KYNU: variants seen among roughly 807,000 people sequenced by gnomAD.
KYNU encodes the protein L-kynurenine hydrolase.
A neutral mutation model predicts 59.2 loss-of-function variants in KYNU; 54 were observed. The observed-to-expected ratio is 0.91, with a 90% confidence interval of 0.73 to 1.14. The LOEUF (loss-of-function observed/expected upper bound fraction) is 1.14. KYNU is among the 50% of genes most tolerant of loss of function. The pLI is 0.00. For missense variants in KYNU, 567 were observed against 554.4 expected (o/e 1.02, Z -0.23); for synonymous variants, 177 against 192.0 (o/e 0.92, Z 0.65).
At chr2:143,014,941 C>T (rs761477397) in intron 10 of KYNU, among the ~76,000 whole-genome samples, 7 of 152,072 alleles carry the variant, frequency 4.6e-5, no homozygotes, top group African/African-American at 9.7e-5. Flanking sequence ...TCACCCAGGC[C>T]GGAGTGCAGT....
intron 2 of KYNU, among the ~76,000 whole-genome samples, chr2:142,914,708 G>A (rs1181552315): frequency 6.6e-6 from 1 of 152,122 alleles, no homozygotes; most frequent in Admixed American, 6.5e-5. Context: ...TCTCTTTGAT[G>A]TTATTATTGT....
intron 10 of KYNU, among the ~76,000 whole-genome samples, chr2:143,025,983 T>A (rs556210176): frequency 3.3e-5 from 5 of 152,318 alleles, no homozygotes; most frequent in African/African-American, 1.2e-4. Context: ...GCAAAATGCA[T>A]AAAATATTTT....
intron 10 of KYNU, among the ~76,000 whole-genome samples, chr2:142,996,333 AAGTT>A (rs1347332081): frequency 2.6e-5 from 4 of 152,130 alleles, no homozygotes; most frequent in South Asian, 2.1e-4. Flanking sequence ...TCATAAGAAA[AAGTT>A]AGTATGTTTA....
intron 4 of KYNU, among the ~76,000 whole-genome samples, chr2:142,936,771 AG>A (rs1450175056): frequency 6.6e-6 from 1 of 152,158 alleles, no homozygotes; most frequent in Admixed American, 6.5e-5. Flanking sequence ...GTGCATGCAG[AG>A]GGGTGACTGG....
chr2:142,894,363 C>T (rs555648786), intron 2 of KYNU, among the ~76,000 whole-genome samples: 22 of 152,090 alleles, frequency 1.4e-4, no homozygotes, highest in Non-Finnish European at 2.8e-4. Flanking sequence ...CTCAGTGCAC[C>T]ACCAGGAAAT....
In KYNU at chr2:142,956,107, A is replaced by T. The variant is rs146758253; in HGVS notation, c.436-96A>T. On this transcript the variant is annotated intron_variant, in intron 5 of 13. Transcript: ENST00000264170. ...AGATGTTGAGTTAATTAATGTCTTTAAAATACTGGAGATTATAAAATGATA... is the reference window on the plus strand; with the variant it reads ...AGATGTTGAGTTAATTAATGTCTTTTAAATACTGGAGATTATAAAATGATA... 12 of 710,594 alleles carry T rather than the reference A, an allele frequency of 1.7e-5. No homozygotes were observed. In the East Asian group the frequency reaches 3.2e-4, roughly 19 times the overall value. The allele number at this position is 710,594 out of a possible 1,614,324, so 44.0% of individuals were successfully genotyped here.
intron 4 of KYNU, among the ~76,000 whole-genome samples, chr2:142,940,226 A>T (rs1392051573): frequency 6.6e-6 from 1 of 152,256 alleles, no homozygotes; most frequent in African/African-American, 2.4e-5. Context: ...ATTTAATTTG[A>T]CCGGAGAATA....
At chr2:142,960,568 G>A (rs1684307879) in intron 7 of KYNU, 56 bp from the exon 8 acceptor site, 2 of 1,515,420 alleles carry the variant, frequency 1.3e-6, no homozygotes, top group South Asian at 2.3e-5. Flanking sequence ...TCGGCAATAT[G>A]AAATTACAAA....
At chr2:143,018,580 A>G (rs901699848) in intron 10 of KYNU, among the ~76,000 whole-genome samples, 10 of 151,240 alleles carry the variant, frequency 6.6e-5, no homozygotes, top group African/African-American at 2.5e-4. Flanking sequence ...TGATGCCACC[A>G]GCTTTGTTAT....
chr2:142,969,437 G>A (rs560998021), intron 8 of KYNU, among the ~76,000 whole-genome samples: 125 of 152,302 alleles, frequency 8.2e-4, no homozygotes, highest in African/African-American at 2.9e-3. Flanking sequence ...TGTTCAGACA[G>A]ATAGTGAACA....
At chr2:142,898,004 C>T (rs376066717) in intron 2 of KYNU, among the ~76,000 whole-genome samples, 2 of 152,068 alleles carry the variant, frequency 1.3e-5, no homozygotes, top group South Asian at 2.1e-4. Flanking sequence ...TGGACTCAAT[C>T]GATCCTCCCA....
At chr2:142,976,052 A>G (rs1684871384) in intron 8 of KYNU, among the ~76,000 whole-genome samples, 1 of 152,188 alleles carries the variant, frequency 6.6e-6, no homozygotes, top group African/African-American at 2.4e-5. Context: ...TCATAGGTGA[A>G]GAAAGGCAGA....
rs148740838 is a variant in KYNU, at chr2:143,029,707, A to G, written c.955+28A>G. On this transcript the variant is annotated intron_variant, in intron 11 of 13. Coordinates refer to ENST00000264170, the MANE Select transcript of KYNU (RefSeq NM_003937.3). ...AAGTGTATTTATTTTACCTAATGCC[A>G]TTTTTATTTTAACTTTATTTCAATG... 4,096 of 1,239,918 alleles carry G rather than the reference A, an allele frequency of 3.3e-3. 85 individuals carry two copies. The African/African-American group carries it at 0.049, about 15-fold the overall frequency. The allele number at this position is 1,239,918 out of a possible 1,614,324, so 76.8% of individuals were successfully genotyped here. A position where few individuals can be genotyped will look rare whatever the true frequency, so the allele number is the denominator to read the frequency against.
chr2:143,012,407 C>T (rs1046914288), intron 10 of KYNU, among the ~76,000 whole-genome samples: 12 of 150,566 alleles, frequency 8.0e-5, no homozygotes, highest in Admixed American at 2.7e-4. Context: ...GGCTTGAACC[C>T]AGGAAATGGA....
At chr2:143,011,755 C>G (rs1252758175) in intron 10 of KYNU, among the ~76,000 whole-genome samples, 4 of 109,002 alleles carry the variant, frequency 3.7e-5, no homozygotes, top group African/African-American at 1.2e-4. Context: ...GAGTTCATGT[C>G]CTTTGTAGGG....
intron 2 of KYNU, among the ~76,000 whole-genome samples, chr2:142,888,317 G>A (rs1681585226): frequency 6.6e-6 from 1 of 152,012 alleles, no homozygotes; most frequent in African/African-American, 2.4e-5. Flanking sequence ...AATTAATTAG[G>A]CGTGATGGCA....
At position 142,904,951 on chromosome 2, in the gene KYNU, G is replaced by A. The variant is rs1682235973; in HGVS notation, c.170-13658G>A. Among the ~76,000 whole-genome samples, 3 of 152,250 alleles carry A rather than the reference G, an allele frequency of 2.0e-5. No homozygotes were observed. In the South Asian group the frequency reaches 6.2e-4, roughly 32 times the overall value. On this transcript the variant is annotated intron_variant, in intron 2 of 13. Transcript: ENST00000264170. ...GCCCAACATTGCCTTTGTGCTCAGG[G>A]GTGAGTCCTAGAGCTGGGCTGAGTT...
chr2:143,017,053 C>T (rs1409715301), intron 10 of KYNU, among the ~76,000 whole-genome samples: 2 of 152,148 alleles, frequency 1.3e-5, no homozygotes, highest in Non-Finnish European at 2.9e-5. Context: ...CTTCTAGTTG[C>T]ATCCATGTTG....
rs1687304503 is a variant in KYNU, at chr2:143,053,606, G to T, written c.*11434G>T. 1 of 152,246 alleles carries T rather than the reference G, an allele frequency of 6.6e-6. No individual in the cohort carries two copies. The highest frequency in any genetic ancestry group is 1.5e-5 in the Non-Finnish European group (1 of 68,100). 9.4% of individuals were successfully genotyped at this position (152,246 alleles called of 1,614,324 possible). ...GTGCTGTTCTCATGATGGTGAGTAA[G>T]TCTCATGAGATCTGATGGTTTTATA... On this transcript the variant is annotated 3_prime_UTR_variant, in exon 14 of 14. Transcript: ENST00000264170.
Sources: gnomAD v4.1 joint callset for allele counts (sites outside exome capture counted in the v4.1 genomes callset) on GRCh38, gnomAD v4.1.1 for gene constraint, MANE v1.5 for transcripts, NCBI Gene and HGNC (gene_info 2026-07-23, HGNC 2026-07-21) for gene names.